The following HMOX2 variants were observed in gnomAD, a reference collection of about 807,000 sequenced individuals.
HMOX2 encodes heme oxygenase (decycling) 2.
Under a neutral mutation model 33.7 loss-of-function variants are expected in HMOX2, and 30 were observed. That is an observed-to-expected ratio of 0.89 (90% confidence interval 0.67 to 1.21). HMOX2 has a LOEUF of 1.21. HMOX2 is among the 50% of genes most tolerant of loss of function. The pLI is 0.00. For synonymous variants in HMOX2, 155 were observed against 155.0 expected (o/e 1.00, Z 0.00); for missense variants, 403 against 399.1 (o/e 1.01, Z -0.08).
At chr16:4,478,526 G>T (rs563092541) in intron 1 of HMOX2, among the ~76,000 whole-genome samples, 1 of 151,974 alleles carries the variant, frequency 6.6e-6, no homozygotes, top group Non-Finnish European at 1.5e-5. Flanking sequence ...CGAGATGGGC[G>T]GATCACCTGA....
intron 1 of HMOX2, among the ~76,000 whole-genome samples, chr16:4,487,705 TG>T (rs1198675369): frequency 2.0e-5 from 3 of 147,346 alleles, no homozygotes; most frequent in Admixed American, 2.0e-4. Context: ...GAGGCTGAGG[TG>T]GGAGAATGGC....
chr16:4,506,696 A>G (rs2058701493), intron 2 of HMOX2, among the ~76,000 whole-genome samples, 199 bp from the exon 3 acceptor site: 1 of 152,142 alleles, frequency 6.6e-6, no homozygotes, highest in African/African-American at 2.4e-5. Flanking sequence ...GAGTCCTTGG[A>G]GCAGAATGTC....
chr16:4,474,957 T>C (rs1227806115), upstream of HMOX2: 2 of 152,192 alleles, frequency 1.3e-5, no homozygotes, highest in Non-Finnish European at 2.9e-5. Context: ...AATTTTATTA[T>C]TTTTATTTTT....
intron 4 of HMOX2, 81 bp from the exon 5 acceptor site, chr16:4,509,331 C>A: frequency 2.1e-6 from 3 of 1,438,374 alleles, no homozygotes; most frequent in Non-Finnish European, 1.9e-6. Context: ...GCAACAGAGA[C>A]CTCATCTCAA....
At chr16:4,479,726 A>AT (rs58936845) in intron 1 of HMOX2, among the ~76,000 whole-genome samples, 1,108 of 79,742 alleles carry the variant, frequency 0.014, 56 homozygotes, top group Non-Finnish European at 0.017. Context: ...TTCTTATTCT[A>AT]TTTTTTTTTT....
chr16:4,482,765 T>G (rs1596444412), intron 1 of HMOX2, among the ~76,000 whole-genome samples: 1 of 152,152 alleles, frequency 6.6e-6, no homozygotes, highest in South Asian at 2.1e-4. Context: ...TGCTGGTTCA[T>G]GCCTGTAATC....
In HMOX2 at chr16:4,494,748, G is replaced by A. The variant is rs567549503; in HGVS notation, c.-41-10736G>A. On this transcript the variant is annotated intron_variant, in intron 1 of 5. Coordinates refer to ENST00000570646, the MANE Select transcript of HMOX2 (RefSeq NM_002134.4). ...ACAAAAATTAGCCAGGTGTGGTGGC[G>A]TGTGCCTGTAGTCCCAGCTGCTTTG... Among the ~76,000 whole-genome samples the A allele has an allele frequency of 7.9e-5, 12 of 152,146 alleles. No homozygotes were observed. The East Asian group carries it at 1.4e-3, about 17-fold the overall frequency.
At chr16:4,486,930 T>C (rs1216186463) in intron 1 of HMOX2, among the ~76,000 whole-genome samples, 1 of 152,192 alleles carries the variant, frequency 6.6e-6, no homozygotes. Context: ...ACTTATTTCC[T>C]TTTTGTATTG....
chr16:4,484,515 C>A (rs2058117307), intron 1 of HMOX2, among the ~76,000 whole-genome samples: 1 of 142,678 alleles, frequency 7.0e-6, no homozygotes, highest in African/African-American at 2.6e-5. Context: ...GGCTGGAGTG[C>A]AGTGGTACGA....
At chr16:4,502,938 T>G (rs1176552060) in intron 1 of HMOX2, 1 of 152,518 alleles carries the variant, frequency 6.6e-6, no homozygotes, top group African/African-American at 2.4e-5. Flanking sequence ...TGCCTCAGCC[T>G]CCTGAGTAGC....
chr16:4,496,792 C>T (rs980425940), intron 1 of HMOX2: 1 of 152,130 alleles, frequency 6.6e-6, no homozygotes, highest in African/African-American at 2.4e-5. Context: ...GTCTGGTGCT[C>T]TCTTGGGTGA....
rs1020092451 is a variant in HMOX2, at chr16:4,509,857, A to G, written c.*101A>G. 3.6e-6 allele frequency: 5 copies of G among 1,372,696 alleles called. No individual in the cohort carries two copies. Among genetic ancestry groups the G allele is most frequent in the Admixed American group, 2.5e-5 (1 of 40,622 alleles). The allele number at this position is 1,372,696 out of a possible 1,614,324, so 85.0% of individuals were successfully genotyped here. ...CTACCACCTCAGGTGACTTTTTAAA[A>G]AATGCTGGGTTTAAGAAAGGCAACC... On this transcript the variant is annotated 3_prime_UTR_variant, in exon 6 of 6. Coordinates refer to ENST00000570646, the MANE Select transcript of HMOX2 (RefSeq NM_002134.4).
chr16:4,478,865 T>G (rs1286785322), intron 1 of HMOX2, among the ~76,000 whole-genome samples: 2 of 151,316 alleles, frequency 1.3e-5, no homozygotes, highest in Admixed American at 6.6e-5. Flanking sequence ...GATGAAAAAC[T>G]TGACCTAGAC....
intron 1 of HMOX2, among the ~76,000 whole-genome samples, chr16:4,491,777 C>T (rs997720896): frequency 4.0e-5 from 6 of 151,758 alleles, no homozygotes; most frequent in Non-Finnish European, 8.8e-5. Flanking sequence ...GGCATGATCT[C>T]GGCTCACTGC....
Position 4,509,608 on chromosome 16 carries a change from CCTA to C in HMOX2, c.824-20_824-18del. The C allele has an allele frequency of 6.2e-7, 1 of 1,613,530 alleles. No individual in the cohort carries two copies. The highest frequency in any genetic ancestry group is 8.5e-7 in the Non-Finnish European group (1 of 1,179,476). On this transcript the variant is annotated intron_variant, in intron 5 of 5. Coordinates refer to ENST00000570646, the MANE Select transcript of HMOX2 (RefSeq NM_002134.4). Reference sequence around the variant, plus strand: ...AGGAGACTCCACTGATGCCATGTCTCCTATTGGTGCTGCCACACAGGTGCCCTG... The same window carrying C: ...AGGAGACTCCACTGATGCCATGTCTCTTGGTGCTGCCACACAGGTGCCCTG...
intron 2 of HMOX2, 84 bp downstream of exon 2, chr16:4,505,694 C>T: frequency 9.9e-7 from 1 of 1,013,804 alleles, no homozygotes; most frequent in South Asian, 1.5e-5. Flanking sequence ...CTGTTGGCAG[C>T]ACTGGGGAGT....
At chr16:4,479,066 G>C (rs576811373) in intron 1 of HMOX2, among the ~76,000 whole-genome samples, 5 of 150,918 alleles carry the variant, frequency 3.3e-5, no homozygotes, top group African/African-American at 1.2e-4. Flanking sequence ...AAGGAGAATT[G>C]CTTGAACCTG....
chr16:4,492,973 G>A (rs1420466064), intron 1 of HMOX2, among the ~76,000 whole-genome samples: 2 of 152,088 alleles, frequency 1.3e-5, no homozygotes, highest in Non-Finnish European at 2.9e-5. Flanking sequence ...GGAGTGGGGA[G>A]AAAAAGGAAA....
At position 4,508,292 on chromosome 16, in the gene HMOX2, T is replaced by C. The variant is rs560526718; in HGVS notation, c.696+88T>C. 125 of 1,424,852 alleles carry C rather than the reference T, an allele frequency of 8.8e-5. No individual in the cohort carries two copies. In the African/African-American group the frequency reaches 1.6e-3, roughly 18 times the overall value. 88.3% of individuals were successfully genotyped at this position (1,424,852 alleles called of 1,614,324 possible). Reference sequence around the variant, plus strand: ...CCATAGTGGCCCATGAAGGCACACATGGCATTAGGACAGATGAGCTGCAGG... The same window carrying C: ...CCATAGTGGCCCATGAAGGCACACACGGCATTAGGACAGATGAGCTGCAGG... On this transcript the variant is annotated intron_variant, in intron 4 of 5. Coordinates refer to ENST00000570646, the MANE Select transcript of HMOX2 (RefSeq NM_002134.4).
Sources: gnomAD v4.1 joint callset for allele counts (sites outside exome capture counted in the v4.1 genomes callset) on GRCh38, gnomAD v4.1.1 for gene constraint, MANE v1.5 for transcripts, NCBI Gene and HGNC (gene_info 2026-07-23, HGNC 2026-07-21) for gene names.